Variants in IFT88 observed in about 807,000 individuals in gnomAD.
IFT88 encodes the protein intraflagellar transport protein 88 homolog.
In IFT88, 74 loss-of-function variants were observed where a neutral mutation model predicts 119.5. The ratio of observed to expected loss-of-function variants is 0.62; its 90% CI spans 0.51 to 0.75. IFT88 has a LOEUF of 0.75. IFT88 is among the 30% of genes least tolerant of loss of function. The pLI is 0.00. For synonymous variants in IFT88, 279 were observed against 316.7 expected, an observed-to-expected ratio of 0.88 and a Z score of 1.26; for missense variants, 961 against 977.7, an observed-to-expected ratio of 0.98 and a Z score of 0.23.
At chr13:20,683,365 A>G (rs1383010483) in intron 24 of IFT88, among the ~76,000 whole-genome samples, 6 of 152,136 alleles carry the variant, frequency 3.9e-5, no homozygotes, top group Non-Finnish European at 7.4e-5. Flanking sequence ...CATGCCAGGC[A>G]CGTACCCCAT....
intron 16 of IFT88, among the ~76,000 whole-genome samples, chr13:20,636,011 A>G (rs565799679): frequency 6.6e-6 from 1 of 152,282 alleles, no homozygotes; most frequent in East Asian, 1.9e-4. Context: ...ATTTTGGACT[A>G]TATCTGTCCC....
At chr13:20,614,490 C>T (rs1688476408) in intron 13 of IFT88, 1 of 152,004 alleles carries the variant, frequency 6.6e-6, no homozygotes, top group African/African-American at 2.4e-5. Flanking sequence ...TAACCTTATT[C>T]TTTATATATA....
chr13:20,611,825 T>G (rs1435579616), intron 13 of IFT88, among the ~76,000 whole-genome samples: 1 of 152,020 alleles, frequency 6.6e-6, no homozygotes, highest in Non-Finnish European at 1.5e-5. Context: ...AGGCTGGTCT[T>G]GAACTCCTGA....
intron 2 of IFT88, among the ~76,000 whole-genome samples, chr13:20,574,723 C>G (rs1226664132): frequency 6.6e-6 from 1 of 152,164 alleles, no homozygotes; most frequent in Non-Finnish European, 1.5e-5. Flanking sequence ...TTCTTCAGCA[C>G]TAGCTATCCA....
rs531317311 is a variant in IFT88 at position 20,580,073 on chromosome 13, ATTTTC to A, written c.91-2879_91-2875del. Among the ~76,000 whole-genome samples the A allele has an allele frequency of 3.4e-3, 518 of 152,120 alleles. 5 individuals are homozygous for A. Among genetic ancestry groups the A allele is most frequent in the Non-Finnish European group, 4.7e-3 (318 of 67,984 alleles). ...TCTTTCCTTCATGTATACATACACA[ATTTTC>A]TTTTAGTATGTTTGGAATTGAACTA... is the stretch of plus-strand genomic sequence containing the variant. On this transcript the variant is annotated intron_variant, in intron 2 of 25. Coordinates refer to ENST00000351808, the MANE Select transcript of IFT88 (RefSeq NM_006531.5).
At chr13:20,591,067 G>A in intron 5 of IFT88, 47 bp downstream of exon 5, 1 of 1,345,192 alleles carries the variant, frequency 7.4e-7, no homozygotes, top group Non-Finnish European at 1.0e-6. Context: ...CTTGTGACTT[G>A]GAATTTACTA....
At chr13:20,581,989 A>C (rs1220758348) in intron 2 of IFT88, among the ~76,000 whole-genome samples, 3 of 152,186 alleles carry the variant, frequency 2.0e-5, no homozygotes, top group Non-Finnish European at 4.4e-5. Flanking sequence ...ATTTTTAAAA[A>C]GTTAATTGAT....
At chr13:20,663,076 A>G (rs954827407) in intron 22 of IFT88, among the ~76,000 whole-genome samples, 2 of 152,254 alleles carry the variant, frequency 1.3e-5, no homozygotes, top group African/African-American at 4.8e-5. Context: ...CTTAATTTAA[A>G]AATGAATTTA....
intron 18 of IFT88, chr13:20,642,236 A>T (rs1183681341): frequency 6.6e-6 from 1 of 152,208 alleles, no homozygotes. Context: ...AGAAAATTTT[A>T]TATGTTGTGA....
rs71077721 is a variant in IFT88 at position 20,570,038 on chromosome 13, C to CA, written c.-7+2797dup. On this transcript the variant is annotated intron_variant, in intron 1 of 25. Coordinates refer to ENST00000351808, the MANE Select transcript of IFT88 (RefSeq NM_006531.5). ...TAGGCGACAGAGCAAGATTCCGTCTCAAAAAAAAAAAAAAATGAGCAAAAG... is the reference window on the plus strand; with the variant it reads ...TAGGCGACAGAGCAAGATTCCGTCTCAAAAAAAAAAAAAAAATGAGCAAAAG... Among the ~76,000 whole-genome samples the CA allele has an allele frequency of 2.3e-3, 306 of 133,936 alleles. 1 individual carries two copies. Among genetic ancestry groups the CA allele is most frequent in the Non-Finnish European group, 3.0e-3 (185 of 62,552 alleles). The allele number at this position is 133,936 out of a possible 152,430, so 87.9% of individuals were successfully genotyped here.
intron 3 of IFT88, among the ~76,000 whole-genome samples, chr13:20,588,314 TTTTAA>T (rs960742923): frequency 2.0e-5 from 3 of 152,160 alleles, no homozygotes; most frequent in African/African-American, 7.2e-5. Flanking sequence ...ATTACTAATC[TTTTAA>T]TTTATTGATC....
At chr13:20,631,300 T>C in intron 16 of IFT88, 198 bp downstream of exon 16, 1 of 513,940 alleles carries the variant, frequency 1.9e-6, no homozygotes, top group Non-Finnish European at 3.5e-6. Flanking sequence ...ACACCATCTC[T>C]GAAGGAGAAG....
chr13:20,647,215 C>T (rs2050891306), intron 20 of IFT88, among the ~76,000 whole-genome samples: 1 of 152,158 alleles, frequency 6.6e-6, no homozygotes, highest in African/African-American at 2.4e-5. Flanking sequence ...GTGACAGAAA[C>T]TTATTCAATA....
intron 7 of IFT88, among the ~76,000 whole-genome samples, chr13:20,594,343 C>T (rs2138813549): frequency 6.6e-6 from 1 of 152,278 alleles, no homozygotes; most frequent in South Asian, 2.1e-4. Flanking sequence ...GAAGATCTTT[C>T]TAGCAGCCCT....
In IFT88 at chr13:20,603,010, T is replaced by A. The variant is rs2042858238; in HGVS notation, c.1041+1077T>A. Among the ~76,000 whole-genome samples the A allele has an allele frequency of 4.6e-5, 7 of 152,332 alleles. No homozygotes were observed. The South Asian group carries it at 1.4e-3, about 32-fold the overall frequency. ...AATGTTAAGTGAAAACATACAGCTATGCACACTTATACATGAACATAAACT... is the reference window on the plus strand; with the variant it reads ...AATGTTAAGTGAAAACATACAGCTAAGCACACTTATACATGAACATAAACT... On this transcript the variant is annotated intron_variant, in intron 12 of 25. Coordinates refer to ENST00000351808, the MANE Select transcript of IFT88 (RefSeq NM_006531.5).
chr13:20,627,086 C>T (rs561509600), intron 15 of IFT88, among the ~76,000 whole-genome samples: 1 of 152,310 alleles, frequency 6.6e-6, no homozygotes, highest in African/African-American at 2.4e-5. Flanking sequence ...GAAATAAATA[C>T]ATATAATTAA....
intron 24 of IFT88, among the ~76,000 whole-genome samples, chr13:20,675,890 T>C (rs752447293): frequency 6.6e-6 from 1 of 152,250 alleles, no homozygotes; most frequent in Non-Finnish European, 1.5e-5. Flanking sequence ...GCCCACACAC[T>C]GTAGTTTGCT....
intron 13 of IFT88, chr13:20,608,058 C>T (rs148467088): frequency 3.0e-5 from 16 of 535,036 alleles, no homozygotes; most frequent in African/African-American, 7.8e-5. Flanking sequence ...TCCCCCAGCA[C>T]GGGGACTATC....
intron 2 of IFT88, among the ~76,000 whole-genome samples, chr13:20,579,794 C>T (rs1299011602): frequency 6.6e-6 from 1 of 152,224 alleles, no homozygotes; most frequent in East Asian, 1.9e-4. Flanking sequence ...GAGTCTCACC[C>T]AAGTCCCACT....
Sources: allele counts gnomAD v4.1 joint callset (sites outside exome capture counted in the v4.1 genomes callset), GRCh38; gene constraint gnomAD v4.1.1; transcripts MANE v1.5; gene names NCBI Gene and HGNC (gene_info 2026-07-23, HGNC 2026-07-21).